The following ZNF804A variants were observed in gnomAD, a reference collection of about 807,000 sequenced individuals.
ZNF804A encodes zinc finger protein 804A.
ZNF804A carries 2 observed loss-of-function variants against 16.5 expected under a neutral mutation model. That is an observed-to-expected ratio of 0.12 (90% CI 0.05 to 0.38). The LOEUF is 0.38. ZNF804A is among the 10% of genes least tolerant of loss of function. ZNF804A has a pLI of 0.99. For synonymous variants in ZNF804A, 534 were observed against 489.6 expected (o/e 1.09, Z -1.20); for missense variants, 1,473 against 1,390.7 (o/e 1.06, Z -0.94).
chr2:184,898,385 G>A (rs572058116), intron 2 of ZNF804A, among the ~76,000 whole-genome samples: 1 of 141,980 alleles, frequency 7.0e-6, no homozygotes, highest in East Asian at 1.9e-4. Flanking sequence ...TCTTTACTTG[G>A]AAGTCTGTGG....
At chr2:184,825,679 A>T (rs1432036299) in intron 1 of ZNF804A, among the ~76,000 whole-genome samples, 4 of 152,126 alleles carry the variant, frequency 2.6e-5, no homozygotes, top group Admixed American at 2.6e-4. Context: ...TTTCAAACCT[A>T]GGGAATGTTC....
At position 184,691,777 on chromosome 2, in the gene ZNF804A, T is replaced by C. The variant is rs183846805; in HGVS notation, c.111+92707T>C. 5.3e-5 allele frequency among the ~76,000 whole-genome samples: 8 copies of C among 151,888 alleles called. No homozygotes were observed. In the East Asian group the frequency reaches 1.5e-3, roughly 29 times the overall value. On this transcript the variant is annotated intron_variant, in intron 1 of 3. Transcript: ENST00000302277. ...GAATTCGTTGTTTTATTTTACATAGTATTTATTATTTATATTTTAGATAAA... is the reference window on the plus strand; with the variant it reads ...GAATTCGTTGTTTTATTTTACATAGCATTTATTATTTATATTTTAGATAAA...
At chr2:184,821,477 G>C (rs752423930) in intron 1 of ZNF804A, among the ~76,000 whole-genome samples, 1 of 152,032 alleles carries the variant, frequency 6.6e-6, no homozygotes, top group South Asian at 2.1e-4. Flanking sequence ...CAAAATCTAC[G>C]CAATGCCATT....
intron 2 of ZNF804A, among the ~76,000 whole-genome samples, chr2:184,904,163 G>A (rs974480639): frequency 6.6e-6 from 1 of 151,764 alleles, no homozygotes; most frequent in Admixed American, 6.6e-5. Flanking sequence ...ACTTAAACTA[G>A]GAGGTGAATT....
chr2:184,679,930 C>T (rs1574159418), intron 1 of ZNF804A, among the ~76,000 whole-genome samples: 1 of 152,164 alleles, frequency 6.6e-6, no homozygotes, highest in African/African-American at 2.4e-5. Flanking sequence ...CAGGGAAGGC[C>T]TGAGCTGGGC....
At chr2:184,771,909 C>G (rs1056849804) in intron 1 of ZNF804A, among the ~76,000 whole-genome samples, 5 of 151,968 alleles carry the variant, frequency 3.3e-5, no homozygotes, top group African/African-American at 7.2e-5. Flanking sequence ...TTATGAGAGT[C>G]GTATCCTATC....
At chr2:184,806,843 T>G (rs1694813638) in intron 1 of ZNF804A, among the ~76,000 whole-genome samples, 1 of 151,766 alleles carries the variant, frequency 6.6e-6, no homozygotes, top group Non-Finnish European at 1.5e-5. Flanking sequence ...AAAAATTAAT[T>G]TGTTTATAAG....
intron 1 of ZNF804A, among the ~76,000 whole-genome samples, chr2:184,834,196 A>G (rs1374382045): frequency 6.6e-6 from 1 of 152,066 alleles, no homozygotes; most frequent in Non-Finnish European, 1.5e-5. Context: ...TTCCTATTAT[A>G]TCTGATGGTT....
intron 2 of ZNF804A, among the ~76,000 whole-genome samples, chr2:184,912,306 A>G (rs1685372839): frequency 6.6e-6 from 1 of 151,968 alleles, no homozygotes; most frequent in African/African-American, 2.4e-5. Context: ...TGGTGTATCC[A>G]AGTTGTATAT....
intron 1 of ZNF804A, among the ~76,000 whole-genome samples, chr2:184,667,786 T>A (rs1246338368): frequency 1.3e-5 from 2 of 151,880 alleles, no homozygotes; most frequent in Non-Finnish European, 2.9e-5. Flanking sequence ...ATAAGAGAAT[T>A]CTTGTGAGAA....
At chr2:184,782,350 T>C (rs1694383158) in intron 1 of ZNF804A, among the ~76,000 whole-genome samples, 1 of 151,416 alleles carries the variant, frequency 6.6e-6, no homozygotes, top group South Asian at 2.1e-4. Context: ...TTTGAGTTAG[T>C]GAGCTGGGAA....
intron 1 of ZNF804A, among the ~76,000 whole-genome samples, chr2:184,632,826 A>G (rs1301223238): frequency 6.6e-6 from 1 of 152,246 alleles, no homozygotes; most frequent in African/African-American, 2.4e-5. Context: ...CTATCTGGCC[A>G]GAGTTTAGCA....
chr2:184,891,576 C>T, intron 2 of ZNF804A, among the ~76,000 whole-genome samples: 1 of 124,968 alleles, frequency 8.0e-6, no homozygotes. Context: ...CTGTAGGAAA[C>T]CACTGTTATT....
chr2:184,671,405 G>C (rs905069295), intron 1 of ZNF804A, among the ~76,000 whole-genome samples: 3 of 152,198 alleles, frequency 2.0e-5, no homozygotes, highest in Admixed American at 2.0e-4. Flanking sequence ...ATTTATTGCT[G>C]TGGATTCTTT....
chr2:184,650,729 A>G (rs1691968870), intron 1 of ZNF804A, among the ~76,000 whole-genome samples: 1 of 152,176 alleles, frequency 6.6e-6, no homozygotes. Context: ...ACAAAAACCT[A>G]GGAATACATG....
intron 2 of ZNF804A, among the ~76,000 whole-genome samples, chr2:184,890,317 C>T (rs1006539047): frequency 3.9e-5 from 6 of 152,162 alleles, no homozygotes; most frequent in African/African-American, 1.4e-4. Context: ...ACTTTATTTT[C>T]ACCACAGACA....
intron 2 of ZNF804A, among the ~76,000 whole-genome samples, chr2:184,873,360 T>C (rs1696003877): frequency 6.6e-6 from 1 of 152,172 alleles, no homozygotes; most frequent in Non-Finnish European, 1.5e-5. Context: ...TGAAGGGCCA[T>C]GCCTGTAGTC....
At chr2:184,775,890 C>T (rs1694278209) in intron 1 of ZNF804A, among the ~76,000 whole-genome samples, 1 of 151,552 alleles carries the variant, frequency 6.6e-6, no homozygotes, top group Non-Finnish European at 1.5e-5. Flanking sequence ...TATTTCAGGG[C>T]TGAGTCAACA....
chr2:184,663,672 G>T (rs140503963), intron 1 of ZNF804A, among the ~76,000 whole-genome samples: 1 of 152,000 alleles, frequency 6.6e-6, no homozygotes, highest in African/African-American at 2.4e-5. Context: ...GGAATTTAGG[G>T]TGCCTTTGTT....
Sources: gnomAD v4.1 joint callset for allele counts (sites outside exome capture counted in the v4.1 genomes callset) on GRCh38, gnomAD v4.1.1 for gene constraint, MANE v1.5 for transcripts, NCBI Gene and HGNC (gene_info 2026-07-23, HGNC 2026-07-21) for gene names.